KMT5B: variants seen among roughly 807,000 people sequenced by gnomAD.
KMT5B encodes lysine methyltransferase 5B, also known as histone-lysine N-methyltransferase KMT5B.
Under a neutral mutation model 83.2 loss-of-function variants are expected in KMT5B, and 10 were observed. The observed-to-expected ratio is 0.12, with a 90% CI of 0.07 to 0.20. KMT5B has a LOEUF of 0.20. KMT5B is among the 10% of genes least tolerant of loss of function. The pLI, the probability that KMT5B is intolerant of heterozygous loss-of-function variation, is 1.00. For synonymous variants in KMT5B, 349 were observed against 388.8 expected, an observed-to-expected ratio of 0.90 and a Z score of 1.20; for missense variants, 753 against 1,067.2, an observed-to-expected ratio of 0.71 and a Z score of 4.10.
chr11:68,205,231 T>C (rs1359809096), intron 1 of KMT5B, among the ~76,000 whole-genome samples: 1 of 151,726 alleles, frequency 6.6e-6, no homozygotes, highest in Admixed American at 6.6e-5. Flanking sequence ...GGCTGAAGGA[T>C]CATGGGAGTC....
chr11:68,210,566 C>T (rs904985710), intron 1 of KMT5B, among the ~76,000 whole-genome samples: 1 of 151,692 alleles, frequency 6.6e-6, no homozygotes, highest in Non-Finnish European at 1.5e-5. Context: ...GATTCTTATT[C>T]CATGGTCCTT....
chr11:68,189,788 C>CTATA, intron 2 of KMT5B, 129 bp downstream of exon 2: 1 of 836,132 alleles, frequency 1.2e-6, no homozygotes, highest in East Asian at 2.7e-5. Context: ...AGTAAAAAGA[C>CTATA]TATATTGTTA....
chr11:68,213,575 G>A (rs1226593973), upstream of KMT5B: 2 of 151,862 alleles, frequency 1.3e-5, no homozygotes, highest in East Asian at 4.0e-4. Context: ...CCGGTTCCCG[G>A]GCGTCCTCAC....
intron 1 of KMT5B, among the ~76,000 whole-genome samples, chr11:68,204,848 C>T (rs1413383973): frequency 6.6e-6 from 1 of 151,958 alleles, no homozygotes; most frequent in Non-Finnish European, 1.5e-5. Flanking sequence ...AACTCTTGAC[C>T]TCAAGTGATC....
intron 10 of KMT5B, among the ~76,000 whole-genome samples, chr11:68,159,653 C>T (rs2153041446): frequency 6.6e-6 from 1 of 152,306 alleles, no homozygotes; most frequent in South Asian, 2.1e-4. Context: ...AAATAGAATA[C>T]TCATGGGCTC....
intron 10 of KMT5B, among the ~76,000 whole-genome samples, chr11:68,161,327 G>A (rs1854846636): frequency 6.6e-6 from 1 of 152,150 alleles, no homozygotes; most frequent in Non-Finnish European, 1.5e-5. Context: ...AGTGAAGAAA[G>A]GACTGCACTG....
At chr11:68,179,076 C>T (rs1207336804) in intron 4 of KMT5B, among the ~76,000 whole-genome samples, 1 of 152,182 alleles carries the variant, frequency 6.6e-6, no homozygotes, top group Non-Finnish European at 1.5e-5. Context: ...TCAGGAGAGC[C>T]TTCCTCACAT....
chr11:68,195,270 C>T (rs1858569316), intron 1 of KMT5B, among the ~76,000 whole-genome samples: 1 of 152,208 alleles, frequency 6.6e-6, no homozygotes, highest in Non-Finnish European at 1.5e-5. Context: ...TAGCCCTCTC[C>T]TATCCCACCT....
At chr11:68,160,680 T>C (rs934635452) in intron 10 of KMT5B, among the ~76,000 whole-genome samples, 3 of 152,106 alleles carry the variant, frequency 2.0e-5, no homozygotes, top group African/African-American at 7.2e-5. Context: ...CAAGAATGCA[T>C]CACAACATTC....
In KMT5B at chr11:68,158,971, T is replaced by G. The variant is rs1160305770; in HGVS notation, c.1375A>C (p.Lys459Gln). ...LSKIKLRNHC[K>Q]RLEQKNASRK... Reference sequence around the variant, plus strand: ...GAAGCATTCTTTTGCTCCAGCCGCTTGCAATGATTTCTCAATTTTATCTTT... The same window carrying G: ...GAAGCATTCTTTTGCTCCAGCCGCTGGCAATGATTTCTCAATTTTATCTTT... The change falls in exon 11 of 11, where the codon AAG (lysine) becomes CAG (glutamine). Residue 459 changes from lysine (K) to glutamine (Q), a missense_variant. Lys to Gln is a moderately conservative substitution (Grantham distance 53). Around this residue, in one of 9 missense-constraint regions of KMT5B, gnomAD observed 397 missense variants for 395.9 expected, o/e 1.00. Transcript: ENST00000304363. 6.2e-7 allele frequency: 1 copy of G among 1,612,310 alleles called. No homozygotes were observed. The highest frequency in any genetic ancestry group is 8.5e-7 in the Non-Finnish European group (1 of 1,179,670).
chr11:68,207,699 G>C (rs1471149267), intron 1 of KMT5B, among the ~76,000 whole-genome samples: 1 of 150,046 alleles, frequency 6.7e-6, no homozygotes, highest in Non-Finnish European at 1.5e-5. Context: ...GCTGAGGCAG[G>C]AGAATCGCTT....
intron 2 of KMT5B, among the ~76,000 whole-genome samples, chr11:68,187,883 G>A (rs978012566): frequency 4.6e-5 from 7 of 152,054 alleles, no homozygotes; most frequent in African/African-American, 1.2e-4. Context: ...TCTCATTGCT[G>A]GCTCTCTTTC....
Position 68,204,611 on chromosome 11 carries a change from G to GTTT in KMT5B, c.-77+8524_-77+8526dup, listed in dbSNP as rs34315868. On this transcript the variant is annotated intron_variant, in intron 1 of 10. Transcript: ENST00000304363. ...AAAACCGTGAGAGAATAAATTTCCG[G>GTTT]TTTTTTTTTTTTTTTTTTTTTTTTG... Among the ~76,000 whole-genome samples, 860 of 106,102 alleles carry GTTT rather than the reference G, an allele frequency of 8.1e-3. 30 individuals are homozygous for GTTT. The highest frequency in any genetic ancestry group is 0.024 in the African/African-American group (694 of 28,574). The allele number at this position is 106,102 out of a possible 152,430, so 69.6% of individuals were successfully genotyped here.
At chr11:68,164,904 T>C (rs896657394) in intron 10 of KMT5B, among the ~76,000 whole-genome samples, 3 of 152,240 alleles carry the variant, frequency 2.0e-5, no homozygotes, top group African/African-American at 4.8e-5. Context: ...GTCTCAAACA[T>C]CTTTGTATGT....
intron 1 of KMT5B, among the ~76,000 whole-genome samples, chr11:68,196,246 A>G (rs1376074653): frequency 1.3e-5 from 2 of 152,136 alleles, no homozygotes; most frequent in East Asian, 3.9e-4. Flanking sequence ...CTGGAATGTT[A>G]TAACACCATC....
At chr11:68,165,277 G>C (rs1855212980) in intron 10 of KMT5B, among the ~76,000 whole-genome samples, 1 of 152,134 alleles carries the variant, frequency 6.6e-6, no homozygotes, top group Admixed American at 6.5e-5. Flanking sequence ...CCAAGGCAAG[G>C]CGGATCACCT....
intron 1 of KMT5B, among the ~76,000 whole-genome samples, chr11:68,201,918 C>CAAAAAA: frequency 1.2e-5 from 1 of 82,938 alleles, no homozygotes; most frequent in Non-Finnish European, 2.5e-5. Context: ...CAGTCTCTAC[C>CAAAAAA]AAAAAAAAAA....
At position 68,179,654 on chromosome 11, in the gene KMT5B, G is replaced by A; in HGVS notation, c.377+478C>T. On this transcript the variant is annotated intron_variant, in intron 4 of 10. Transcript: ENST00000304363. ...GGAACAGGAAGGGGAACAGAAAAAAGGGAGACAGGGAAGGAGAGAGGAAGA... is the reference window on the plus strand; with the variant it reads ...GGAACAGGAAGGGGAACAGAAAAAAAGGAGACAGGGAAGGAGAGAGGAAGA... 9 of 1,205,604 alleles carry A rather than the reference G, an allele frequency of 7.5e-6. No individual in the cohort carries two copies. In the South Asian group the frequency reaches 1.1e-4, roughly 15 times the overall value. 74.7% of individuals were successfully genotyped at this position (1,205,604 alleles called of 1,614,324 possible).
In KMT5B at chr11:68,207,608, T is replaced by C. The variant is rs533628968; in HGVS notation, c.-77+5530A>G. 4.0e-5 allele frequency among the ~76,000 whole-genome samples: 6 copies of C among 151,844 alleles called. No individual in the cohort carries two copies. In the South Asian group the frequency reaches 6.2e-4, roughly 16 times the overall value. On this transcript the variant is annotated intron_variant, in intron 1 of 10. Coordinates refer to ENST00000304363, the MANE Select transcript of KMT5B (RefSeq NM_017635.5). ...GAATTCGAGACCAGCCTGGCGAACA[T>C]AGTGAAAATCCATTTCTACTAAAAA... is the stretch of plus-strand genomic sequence containing the variant.
Sources: gnomAD v4.1 joint callset for allele counts (sites outside exome capture counted in the v4.1 genomes callset) on GRCh38, gnomAD v4.1.1 for gene constraint, gnomAD v4.1.1 regional missense constraint, MANE v1.5 for transcripts, NCBI Gene and HGNC (gene_info 2026-07-23, HGNC 2026-07-21) for gene names.